PLCL2: variants seen among roughly 807,000 people sequenced by gnomAD.
The protein encoded by PLCL2 is inactive phospholipase C-like protein 2.
In PLCL2, 4 loss-of-function variants were observed where a neutral mutation model predicts 79.6. The observed-to-expected ratio is 0.05, with a 90% CI of 0.02 to 0.11. The LOEUF is 0.11. Among genes scored for constraint, PLCL2 ranks in the 10% least tolerant of loss-of-function variants. The pLI is 1.00. For synonymous variants in PLCL2, 484 were observed against 457.7 expected, an observed-to-expected ratio of 1.06 and a Z score of -0.73; for missense variants, 895 against 1,291.0, an observed-to-expected ratio of 0.69 and a Z score of 4.70.
At chr3:17,089,162 G>A (rs1191457787) in intron 5 of PLCL2, among the ~76,000 whole-genome samples, 3 of 152,180 alleles carry the variant, frequency 2.0e-5, no homozygotes, top group Non-Finnish European at 4.4e-5. Context: ...GCAGTGCTGT[G>A]CCTTGGTTGC....
chr3:16,892,384 G>C (rs919714146), intron 1 of PLCL2, among the ~76,000 whole-genome samples: 2 of 152,106 alleles, frequency 1.3e-5, no homozygotes, highest in Non-Finnish European at 2.9e-5. Flanking sequence ...ATATTCTGCT[G>C]TCAAAGTTTA....
intron 4 of PLCL2, among the ~76,000 whole-genome samples, chr3:17,059,078 T>C (rs1248538359): frequency 6.6e-6 from 1 of 152,186 alleles, no homozygotes; most frequent in African/African-American, 2.4e-5. Context: ...TCTATAAATA[T>C]GATCAAATAC....
intron 1 of PLCL2, among the ~76,000 whole-genome samples, chr3:16,917,131 G>A (rs1360346645): frequency 6.6e-6 from 1 of 152,082 alleles, no homozygotes; most frequent in African/African-American, 2.4e-5. Flanking sequence ...CATAGGACAC[G>A]GTCCCATTTT....
chr3:16,893,451 G>A (rs1369555471), intron 1 of PLCL2, among the ~76,000 whole-genome samples: 32 of 152,048 alleles, frequency 2.1e-4, no homozygotes, highest in Non-Finnish European at 4.4e-5. Context: ...TTTTTGGAGT[G>A]TGCTAAATGT....
At chr3:16,989,284 A>G (rs2124994250) in intron 1 of PLCL2, among the ~76,000 whole-genome samples, 1 of 152,296 alleles carries the variant, frequency 6.6e-6, no homozygotes, top group East Asian at 1.9e-4. Flanking sequence ...AAAGCACCAC[A>G]TTAGAAAAGT....
chr3:17,012,074 A>G lies in PLCL2; in HGVS notation c.2728A>G (p.Thr910Ala), dbSNP rs755177464. 2.5e-6 allele frequency: 4 copies of G among 1,614,070 alleles called. No homozygotes were observed. Among genetic ancestry groups the G allele is most frequent in the African/African-American group, 2.7e-5 (2 of 74,934 alleles). The stretch of plus-strand genomic sequence containing the variant: ...ATCCAGGGAATATGCATCTTTGAGA[A>G]CACTGTGGATTAAAACCGTGGATGA... ...KKSREYASLR[T>A]LWIKTVDEVF... Residue 910 changes from threonine to alanine, a missense_variant, in exon 2 of 6, where the codon ACA becomes GCA. Physicochemically the swap from Thr to Ala is moderately conservative, Grantham distance 58. Around this residue, in one of 6 missense-constraint regions of PLCL2, gnomAD observed 298 missense variants for 459.6 expected, o/e 0.65. Coordinates refer to ENST00000615277, the MANE Select transcript of PLCL2 (RefSeq NM_001144382.2).
chr3:16,947,031 C>T lies in PLCL2; in HGVS notation c.327+61665C>T, dbSNP rs558133971. On this transcript the variant is annotated intron_variant, in intron 1 of 5. Coordinates refer to ENST00000615277, the MANE Select transcript of PLCL2 (RefSeq NM_001144382.2). ...AGTGCAGTGGCACGGTCATGGCTCACTGCAGCCTCGACCCCCTGGGCTCAG... is the reference window on the plus strand; with the variant it reads ...AGTGCAGTGGCACGGTCATGGCTCATTGCAGCCTCGACCCCCTGGGCTCAG... 2.1e-4 allele frequency among the ~76,000 whole-genome samples: 28 copies of T among 135,538 alleles called. No homozygotes were observed. In the East Asian group the frequency reaches 5.7e-3, roughly 28 times the overall value. The allele number at this position is 135,538 out of a possible 152,430, so 88.9% of individuals were successfully genotyped here.
chr3:17,033,032 G>C (rs1243103487), intron 3 of PLCL2, among the ~76,000 whole-genome samples: 2 of 152,162 alleles, frequency 1.3e-5, no homozygotes, highest in Non-Finnish European at 1.5e-5. Context: ...GATAAGATGG[G>C]ATGTTATTTT....
intron 1 of PLCL2, among the ~76,000 whole-genome samples, chr3:16,948,269 C>T (rs774894308): frequency 1.3e-5 from 2 of 151,278 alleles, no homozygotes; most frequent in Non-Finnish European, 2.9e-5. Context: ...CACAAAAGGC[C>T]GTATATTTAT....
intron 1 of PLCL2, among the ~76,000 whole-genome samples, chr3:16,938,968 ACAGCT>A (rs1189153794): frequency 1.3e-5 from 2 of 152,208 alleles, no homozygotes; most frequent in Admixed American, 1.3e-4. Context: ...TAAAAACTTA[ACAGCT>A]AGCTGTGTAG....
intron 1 of PLCL2, among the ~76,000 whole-genome samples, chr3:16,977,459 C>T (rs558154155): frequency 1.3e-5 from 2 of 152,260 alleles, no homozygotes; most frequent in African/African-American, 4.8e-5. Flanking sequence ...CTTTTCTTGC[C>T]AGTTCCTTCC....
chr3:16,966,150 G>T (rs1478857803), intron 1 of PLCL2, among the ~76,000 whole-genome samples: 2 of 150,008 alleles, frequency 1.3e-5, no homozygotes, highest in African/African-American at 2.5e-5. Context: ...TATTGGCTGT[G>T]AGTTTGTCAT....
intron 1 of PLCL2, among the ~76,000 whole-genome samples, chr3:16,939,990 A>G (rs1429888907): frequency 6.6e-6 from 1 of 152,172 alleles, no homozygotes; most frequent in African/African-American, 2.4e-5. Context: ...ATTTTTAAAA[A>G]TCCATATTTG....
chr3:17,028,589 G>T (rs961958734), intron 3 of PLCL2, among the ~76,000 whole-genome samples: 5 of 151,156 alleles, frequency 3.3e-5, no homozygotes, highest in African/African-American at 4.9e-5. Flanking sequence ...CAATTCTCCT[G>T]CCTCAGCCTC....
chr3:16,980,780 C>A (rs939476085), intron 1 of PLCL2, among the ~76,000 whole-genome samples: 11 of 152,190 alleles, frequency 7.2e-5, no homozygotes, highest in Non-Finnish European at 1.5e-4. Context: ...GAGGCCAAGG[C>A]AGGCTGCTGG....
At chr3:16,991,685 G>T (rs1178385738) in intron 1 of PLCL2, among the ~76,000 whole-genome samples, 4 of 151,970 alleles carry the variant, frequency 2.6e-5, no homozygotes, top group African/African-American at 9.7e-5. Context: ...ATTCCTGGTT[G>T]TATCTTATTT....
intron 1 of PLCL2, among the ~76,000 whole-genome samples, chr3:16,977,292 G>A (rs1210437664): frequency 6.6e-6 from 1 of 151,994 alleles, no homozygotes; most frequent in Non-Finnish European, 1.5e-5. Context: ...TTACTCCCTG[G>A]CTGGCATTCA....
At chr3:17,074,308 C>A (rs996226418) in intron 5 of PLCL2, among the ~76,000 whole-genome samples, 1 of 152,136 alleles carries the variant, frequency 6.6e-6, no homozygotes. Flanking sequence ...TGAAAGGAAT[C>A]TTTTTTACTG....
chr3:16,968,641 A>T (rs2063828715), intron 1 of PLCL2, among the ~76,000 whole-genome samples: 1 of 152,052 alleles, frequency 6.6e-6, no homozygotes, highest in Admixed American at 6.6e-5. Context: ...ATTTTGCTCA[A>T]ATTGTTTATC....
Sources: allele counts gnomAD v4.1 joint callset (sites outside exome capture counted in the v4.1 genomes callset), GRCh38; gene constraint gnomAD v4.1.1; regional missense constraint gnomAD v4.1.1; transcripts MANE v1.5; gene names NCBI Gene and HGNC (gene_info 2026-07-23, HGNC 2026-07-21).